RANBP17: variants seen among roughly 807,000 people sequenced by gnomAD.
RANBP17 encodes the protein RAN binding protein 17.
In RANBP17, 158 loss-of-function variants were observed where a neutral mutation model predicts 141.2. The observed-to-expected ratio is 1.12, with a 90% CI of 0.98 to 1.28. The LOEUF is 1.28. Among genes scored for constraint, RANBP17 ranks in the 50% most tolerant of loss-of-function variants. The pLI is 0.00. For missense variants in RANBP17, 1,438 were observed against 1,290.7 expected (o/e 1.11, Z -1.75); for synonymous variants, 430 against 450.0 (o/e 0.96, Z 0.56).
chr5:171,155,884 T>C (rs1758861123), intron 14 of RANBP17, among the ~76,000 whole-genome samples: 2 of 152,048 alleles, frequency 1.3e-5, no homozygotes, highest in Admixed American at 1.3e-4. Context: ...AAATTAATAA[T>C]AAAAGGCAAT....
At chr5:171,290,702 T>G (rs1188797158) in intron 25 of RANBP17, among the ~76,000 whole-genome samples, 4 of 152,250 alleles carry the variant, frequency 2.6e-5, no homozygotes, top group Non-Finnish European at 4.4e-5. Flanking sequence ...TATGTGTCTG[T>G]GTTTTACCTT....
intron 14 of RANBP17, among the ~76,000 whole-genome samples, chr5:171,010,909 C>T (rs989963774): frequency 4.6e-5 from 7 of 151,946 alleles, no homozygotes; most frequent in Admixed American, 1.3e-4. Flanking sequence ...AATTGTAATA[C>T]GTAATTTAAA....
intron 27 of RANBP17, 148 bp from the exon 28 acceptor site, chr5:171,298,614 G>A (rs902156442): frequency 7.3e-6 from 4 of 548,154 alleles, no homozygotes; most frequent in Non-Finnish European, 1.3e-5. Context: ...CGGTGAAAGT[G>A]GAGAGAAAGG....
intron 3 of RANBP17, among the ~76,000 whole-genome samples, chr5:170,891,072 T>C (rs1392849016): frequency 3.9e-5 from 6 of 152,226 alleles, no homozygotes; most frequent in Non-Finnish European, 8.8e-5. Context: ...TAGTCACTTT[T>C]GCTATAACAT....
At chr5:171,205,278 ACT>A (rs780314968) in intron 19 of RANBP17, among the ~76,000 whole-genome samples, 2 of 152,190 alleles carry the variant, frequency 1.3e-5, no homozygotes, top group East Asian at 1.9e-4. Context: ...GTATATTAAG[ACT>A]CTAAATGCTT....
intron 11 of RANBP17, among the ~76,000 whole-genome samples, chr5:170,922,005 T>C (rs1435670551): frequency 6.6e-6 from 1 of 152,200 alleles, no homozygotes; most frequent in East Asian, 1.9e-4. Context: ...GACCTACAGA[T>C]GGGGTTTCTG....
At chr5:171,214,173 T>A (rs888073639) in intron 21 of RANBP17, among the ~76,000 whole-genome samples, 1 of 152,190 alleles carries the variant, frequency 6.6e-6, no homozygotes, top group African/African-American at 2.4e-5. Context: ...GGAACATAGT[T>A]TGCCTCAGAA....
intron 24 of RANBP17, among the ~76,000 whole-genome samples, chr5:171,250,133 C>T (rs945683112): frequency 6.6e-6 from 1 of 152,106 alleles, no homozygotes; most frequent in African/African-American, 2.4e-5. Flanking sequence ...GAAAAACTGG[C>T]CAAGAATACT....
rs10516078 is a variant in RANBP17, at chr5:171,135,522, C to T, written c.1711-34608C>T. On this transcript the variant is annotated intron_variant, in intron 14 of 27. Coordinates refer to ENST00000523189, the MANE Select transcript of RANBP17 (RefSeq NM_022897.5). The stretch of plus-strand genomic sequence containing the variant: ...TTTATTTGCTATTTCTGTATTCCTG[C>T]GTAGTCAATTCCTAAATACGCTTTC... Among the ~76,000 whole-genome samples, 464 of 152,114 alleles carry T rather than the reference C, an allele frequency of 3.1e-3. 8 individuals carry two copies. Among genetic ancestry groups the T allele is most frequent in the Admixed American group, 0.024 (363 of 15,282 alleles).
At chr5:170,967,439 A>T (rs1776654604) in intron 13 of RANBP17, among the ~76,000 whole-genome samples, 1 of 152,002 alleles carries the variant, frequency 6.6e-6, no homozygotes, top group Admixed American at 6.6e-5. Flanking sequence ...ATTATATTAT[A>T]TTCATTTTGT....
intron 14 of RANBP17, among the ~76,000 whole-genome samples, chr5:171,089,206 G>A (rs1407749312): frequency 7.3e-6 from 1 of 136,832 alleles, no homozygotes; most frequent in Non-Finnish European, 1.6e-5. Flanking sequence ...AGGTCTGTTG[G>A]AATACCCTGC....
chr5:171,171,357 T>C, intron 16 of RANBP17, 71 bp downstream of exon 16: 1 of 841,708 alleles, frequency 1.2e-6, no homozygotes, highest in Non-Finnish European at 1.9e-6. Flanking sequence ...AACCAGGTAT[T>C]CTCCTTGTTT....
intron 14 of RANBP17, among the ~76,000 whole-genome samples, chr5:171,008,650 C>T (rs1038230782): frequency 6.6e-6 from 1 of 152,164 alleles, no homozygotes; most frequent in African/African-American, 2.4e-5. Flanking sequence ...TTACAAAGAA[C>T]CTTCTTAAGG....
chr5:171,182,945 T>C lies in RANBP17; in HGVS notation c.1866-222T>C, dbSNP rs186771650. 7.5e-3 allele frequency among the ~76,000 whole-genome samples: 1,146 copies of C among 152,244 alleles called. 14 individuals are homozygous for C. Among genetic ancestry groups the C allele is most frequent in the African/African-American group, 0.026 (1,084 of 41,574 alleles). On this transcript the variant is annotated intron_variant, in intron 16 of 27. Coordinates refer to ENST00000523189, the MANE Select transcript of RANBP17 (RefSeq NM_022897.5). Reference sequence around the variant, plus strand: ...TCTTAATTATAAAATTCATTCTTTCTTTCCATAACTAGAATATGTATAAGA... The same window carrying C: ...TCTTAATTATAAAATTCATTCTTTCCTTCCATAACTAGAATATGTATAAGA...
intron 14 of RANBP17, among the ~76,000 whole-genome samples, chr5:170,973,902 A>G (rs1227003671): frequency 6.6e-6 from 1 of 152,196 alleles, no homozygotes; most frequent in African/African-American, 2.4e-5. Context: ...CTCATCCATG[A>G]GAGCTCTGCC....
intron 13 of RANBP17, 82 bp from the exon 14 acceptor site, chr5:170,968,160 A>G (rs1776723293): frequency 1.0e-6 from 1 of 997,454 alleles, no homozygotes; most frequent in East Asian, 2.6e-5. Flanking sequence ...TATATGTTAT[A>G]TTACATTTAT....
intron 25 of RANBP17, among the ~76,000 whole-genome samples, chr5:171,292,677 G>A (rs1386381381): frequency 2.0e-5 from 3 of 152,306 alleles, no homozygotes; most frequent in Non-Finnish European, 4.4e-5. Context: ...CTTAGAGGTA[G>A]GAGGTAAAGA....
chr5:171,014,356 T>C (rs377024403), intron 14 of RANBP17, among the ~76,000 whole-genome samples: 34 of 152,162 alleles, frequency 2.2e-4, no homozygotes, highest in African/African-American at 7.9e-4. Flanking sequence ...TTTAATCTAC[T>C]GTTTTCCCTT....
At chr5:171,269,642 A>G (rs1411154038) in intron 25 of RANBP17, among the ~76,000 whole-genome samples, 1 of 152,176 alleles carries the variant, frequency 6.6e-6, no homozygotes, top group Admixed American at 6.5e-5. Context: ...GGGATTTTGT[A>G]TTGGATTATT....
Sources: gnomAD v4.1 joint callset for allele counts (sites outside exome capture counted in the v4.1 genomes callset) on GRCh38, gnomAD v4.1.1 for gene constraint, MANE v1.5 for transcripts, NCBI Gene and HGNC (gene_info 2026-07-23, HGNC 2026-07-21) for gene names.